COL14A1: variants seen among roughly 807,000 people sequenced by gnomAD.
COL14A1 encodes the protein collagen alpha-1(XIV) chain.
A neutral mutation model predicts 230.3 loss-of-function variants in COL14A1; 136 were observed. That is an observed-to-expected ratio of 0.59 (90% confidence interval 0.51 to 0.68). The LOEUF is 0.68. COL14A1 is among the 30% of genes least tolerant of loss of function. COL14A1 has a pLI of 0.00. For missense variants in COL14A1, 1,976 were observed against 2,215.8 expected (o/e 0.89, Z 2.17); for synonymous variants, 792 against 784.1 (o/e 1.01, Z -0.17).
chr8:120,271,723 G>A (rs1819670969), intron 26 of COL14A1, among the ~76,000 whole-genome samples: 2 of 151,596 alleles, frequency 1.3e-5, no homozygotes, highest in Admixed American at 6.6e-5. Context: ...GTGAGAGTGT[G>A]AGGATAGAAC....
intron 36 of COL14A1, among the ~76,000 whole-genome samples, chr8:120,302,651 T>C (rs912663164): frequency 2.6e-5 from 4 of 152,174 alleles, no homozygotes; most frequent in African/African-American, 4.8e-5. Context: ...AGCCCTATAG[T>C]ATAGTTTGAA....
intron 3 of COL14A1, among the ~76,000 whole-genome samples, chr8:120,159,016 A>G (rs1815571589): frequency 6.6e-6 from 1 of 152,202 alleles, no homozygotes; most frequent in Admixed American, 6.5e-5. Flanking sequence ...ACTTATAAGT[A>G]GTGTGATTCA....
At chr8:120,193,561 C>G (rs1816911489) in intron 5 of COL14A1, among the ~76,000 whole-genome samples, 1 of 152,172 alleles carries the variant, frequency 6.6e-6, no homozygotes, top group Non-Finnish European at 1.5e-5. Flanking sequence ...GCTGGGAGAA[C>G]CACTGCTCTC....
At chr8:120,182,726 G>GTTTT (rs756254098) in intron 5 of COL14A1, among the ~76,000 whole-genome samples, 33 of 129,016 alleles carry the variant, frequency 2.6e-4, no homozygotes, top group Non-Finnish European at 3.1e-4. Context: ...ATTTTTCTTC[G>GTTTT]TTTTTTTTTT....
chr8:120,297,270 G>C (rs1292863990), intron 34 of COL14A1, among the ~76,000 whole-genome samples: 1 of 151,806 alleles, frequency 6.6e-6, no homozygotes, highest in African/African-American at 2.4e-5. Flanking sequence ...AGAAATGAGA[G>C]GGGAAGTTTT....
chr8:120,232,270 T>C (rs1818297294), intron 19 of COL14A1, among the ~76,000 whole-genome samples: 1 of 152,178 alleles, frequency 6.6e-6, no homozygotes, highest in African/African-American at 2.4e-5. Context: ...TTCTAATTTA[T>C]TTATCTTTTT....
chr8:120,207,634 A>G (rs1425968118), intron 10 of COL14A1, among the ~76,000 whole-genome samples: 1 of 152,186 alleles, frequency 6.6e-6, no homozygotes, highest in African/African-American at 2.4e-5. Flanking sequence ...TTGCCAGATG[A>G]TTAGATCCTT....
At chr8:120,180,136 A>G (rs965990421) in intron 5 of COL14A1, among the ~76,000 whole-genome samples, 8 of 152,208 alleles carry the variant, frequency 5.3e-5, no homozygotes, top group Non-Finnish European at 8.8e-5. Flanking sequence ...AAAAAGTGAT[A>G]TTAATTGACT....
chr8:120,175,374 G>T (rs960672148), intron 5 of COL14A1, among the ~76,000 whole-genome samples: 6 of 152,248 alleles, frequency 3.9e-5, no homozygotes, highest in Admixed American at 1.3e-4. Flanking sequence ...AGGAAAAACA[G>T]CATAGGGCTT....
At chr8:120,153,235 C>T (rs768494655) in intron 2 of COL14A1, among the ~76,000 whole-genome samples, 1 of 152,190 alleles carries the variant, frequency 6.6e-6, no homozygotes, top group Non-Finnish European at 1.5e-5. Context: ...CTATGTCGCC[C>T]AGGCTGGAGT....
At chr8:120,238,427 C>G (rs959629822) in intron 19 of COL14A1, among the ~76,000 whole-genome samples, 3 of 152,152 alleles carry the variant, frequency 2.0e-5, no homozygotes, top group Non-Finnish European at 2.9e-5. Context: ...ACTGTCTACT[C>G]AAGCCTTACT....
At chr8:120,194,346 TTTAATTAGTTAC>T (rs1816951785) in intron 5 of COL14A1, among the ~76,000 whole-genome samples, 1 of 152,206 alleles carries the variant, frequency 6.6e-6, no homozygotes, top group African/African-American at 2.4e-5. Flanking sequence ...TCCCTCTTCT[TTTAATTAGTTAC>T]TTAATTAGTA....
intron 46 of COL14A1, among the ~76,000 whole-genome samples, chr8:120,368,780 C>T (rs1823491570): frequency 6.6e-6 from 1 of 152,146 alleles, no homozygotes; most frequent in African/African-American, 2.4e-5. Flanking sequence ...GACAATTTCA[C>T]ACTCATACAA....
intron 45 of COL14A1, among the ~76,000 whole-genome samples, chr8:120,353,872 C>T (rs1479228867): frequency 6.6e-6 from 1 of 151,530 alleles, no homozygotes; most frequent in East Asian, 1.9e-4. Context: ...ACCATTTGAC[C>T]CAGCCATCCC....
In COL14A1 at chr8:120,332,166, C is replaced by T. The variant is rs746931765; in HGVS notation, c.4685C>T (p.Ser1562Leu). ...GGCCTTCCGGGAAAGGATGGATCCT[C>T]GGGACCTCCAGGACCACCAGGGCCA... ...QRGLPGKDGS[S>L]GPPGPPGPIG... The change falls in exon 41 of 48, where the codon TCG becomes TTG. Residue 1562 changes from serine to leucine, a missense_variant. Around this residue, in one of 3 missense-constraint regions of COL14A1, gnomAD observed 1,791 missense variants for 2,019.5 expected, o/e 0.89. Coordinates refer to ENST00000297848, the MANE Select transcript of COL14A1 (RefSeq NM_021110.4). The T allele has an allele frequency of 9.9e-6, 16 of 1,613,930 alleles. No homozygotes were observed. Among genetic ancestry groups the T allele is most frequent in the East Asian group, 4.5e-5 (2 of 44,886 alleles).
intron 1 of COL14A1, among the ~76,000 whole-genome samples, chr8:120,126,884 A>C (rs938640283): frequency 6.6e-6 from 1 of 152,236 alleles, no homozygotes; most frequent in African/African-American, 2.4e-5. Context: ...GTGCTTCGCT[A>C]TTATAAGGTA....
intron 5 of COL14A1, among the ~76,000 whole-genome samples, chr8:120,173,819 A>G (rs1816182351): frequency 6.6e-6 from 1 of 152,152 alleles, no homozygotes; most frequent in Non-Finnish European, 1.5e-5. Flanking sequence ...TATTCTAAAT[A>G]TATCTACTCA....
At chr8:120,234,572 A>T (rs1353984236) in intron 19 of COL14A1, among the ~76,000 whole-genome samples, 2 of 151,970 alleles carry the variant, frequency 1.3e-5, no homozygotes, top group Non-Finnish European at 2.9e-5. Context: ...TGAGATAATC[A>T]TGTGGTTTTT....
At chr8:120,283,347 T>C (rs925260865) in intron 31 of COL14A1, among the ~76,000 whole-genome samples, 1 of 152,122 alleles carries the variant, frequency 6.6e-6, no homozygotes, top group Non-Finnish European at 1.5e-5. Context: ...AGTGATAAAA[T>C]AGCCAAACAA....
Sources: allele counts gnomAD v4.1 joint callset (sites outside exome capture counted in the v4.1 genomes callset), GRCh38; gene constraint gnomAD v4.1.1; regional missense constraint gnomAD v4.1.1; transcripts MANE v1.5; gene names NCBI Gene and HGNC (gene_info 2026-07-23, HGNC 2026-07-21).